The following LUZP2 variants were observed in gnomAD, a reference collection of about 807,000 sequenced individuals.
The protein encoded by LUZP2 is leucine zipper protein 2.
A neutral mutation model predicts 51.6 loss-of-function variants in LUZP2; 52 were observed. That is an observed-to-expected ratio of 1.01 (90% CI 0.81 to 1.27). The LOEUF (loss-of-function observed/expected upper bound fraction) is 1.27. LUZP2 is among the 50% of genes most tolerant of loss of function. LUZP2 has a pLI of 0.00. For synonymous variants in LUZP2, 154 were observed against 137.3 expected (o/e 1.12, Z -0.85); for missense variants, 436 against 395.4 (o/e 1.10, Z -0.87).
chr11:24,736,886 A>G (rs17235001), intron 3 of LUZP2, among the ~76,000 whole-genome samples: 16,016 of 152,082 alleles, frequency 0.11, 1,077 homozygotes, highest in Middle Eastern at 0.16. Context: ...TTAAAAACCA[A>G]AGTGACTGTA....
intron 5 of LUZP2, among the ~76,000 whole-genome samples, chr11:24,769,585 A>G (rs192652159): frequency 5.0e-4 from 76 of 152,292 alleles, no homozygotes; most frequent in African/African-American, 1.7e-3. Context: ...TAAAATAATG[A>G]AAAACACATT....
chr11:24,877,822 A>C (rs955138353), intron 5 of LUZP2, among the ~76,000 whole-genome samples: 16 of 152,078 alleles, frequency 1.1e-4, no homozygotes, highest in South Asian at 4.1e-4. Flanking sequence ...CAATTGTTTT[A>C]ATTTTTAGTC....
intron 1 of LUZP2, among the ~76,000 whole-genome samples, chr11:24,720,706 GT>G (rs1858233561): frequency 1.3e-5 from 2 of 151,960 alleles, no homozygotes; most frequent in Admixed American, 6.6e-5. Flanking sequence ...TGTTTGTTTT[GT>G]TTTGTTTTGT....
intron 5 of LUZP2, among the ~76,000 whole-genome samples, chr11:24,774,358 C>CTATA (rs1431208612): frequency 1.9e-4 from 15 of 80,588 alleles, no homozygotes; most frequent in African/African-American, 7.9e-4. Context: ...CTCTCTCTCT[C>CTATA]TCTCTATATA....
intron 5 of LUZP2, among the ~76,000 whole-genome samples, chr11:24,905,016 CAAAT>C (rs987473848): frequency 9.9e-5 from 15 of 151,888 alleles, no homozygotes; most frequent in African/African-American, 2.7e-4. Context: ...TAAAAAATGA[CAAAT>C]AAGTCCATTA....
chr11:24,901,045 T>C (rs1853264502), intron 5 of LUZP2, among the ~76,000 whole-genome samples: 1 of 152,118 alleles, frequency 6.6e-6, no homozygotes, highest in Non-Finnish European at 1.5e-5. Context: ...TGGTACTTCA[T>C]AAATTGTCTC....
intron 7 of LUZP2, among the ~76,000 whole-genome samples, chr11:24,931,781 G>C (rs1159353082): frequency 6.6e-6 from 1 of 152,208 alleles, no homozygotes; most frequent in Middle Eastern, 3.2e-3. Flanking sequence ...TGCTGAACTA[G>C]TGTGGTCTTT....
At chr11:25,077,649 A>G (rs2134064018) in intron 11 of LUZP2, among the ~76,000 whole-genome samples, 1 of 151,292 alleles carries the variant, frequency 6.6e-6, no homozygotes, top group South Asian at 2.1e-4. Context: ...ACAGGCGCCC[A>G]CCACCACGCC....
At chr11:24,718,312 C>T (rs1179743795) in intron 1 of LUZP2, among the ~76,000 whole-genome samples, 10 of 152,114 alleles carry the variant, frequency 6.6e-5, no homozygotes, top group African/African-American at 2.2e-4. Context: ...GTTCACAGGC[C>T]TGAGAGAAGG....
chr11:25,045,911 A>C (rs543724266), intron 9 of LUZP2, among the ~76,000 whole-genome samples: 12 of 152,310 alleles, frequency 7.9e-5, no homozygotes, highest in African/African-American at 2.9e-4. Context: ...TTGGTTGACC[A>C]TTATAACTCA....
intron 1 of LUZP2, among the ~76,000 whole-genome samples, chr11:24,696,597 A>T (rs1015922626): frequency 2.6e-5 from 4 of 152,054 alleles, no homozygotes; most frequent in Non-Finnish European, 4.4e-5. Flanking sequence ...ATTACTGTGC[A>T]TCTGCTATGA....
intron 4 of LUZP2, among the ~76,000 whole-genome samples, chr11:24,758,230 A>G (rs551947694): frequency 6.6e-6 from 1 of 152,198 alleles, no homozygotes; most frequent in South Asian, 2.1e-4. Context: ...CTTCAGGAAA[A>G]TGTGTTCTAT....
At chr11:24,652,350 C>T (rs1424912770) in intron 1 of LUZP2, among the ~76,000 whole-genome samples, 1 of 151,974 alleles carries the variant, frequency 6.6e-6, no homozygotes, top group East Asian at 1.9e-4. Flanking sequence ...AAATACTTAT[C>T]AATTTTAACA....
chr11:24,829,275 G>A (rs1444556264), intron 5 of LUZP2, among the ~76,000 whole-genome samples: 1 of 152,096 alleles, frequency 6.6e-6, no homozygotes, highest in Non-Finnish European at 1.5e-5. Context: ...AGAGTTCTGG[G>A]TGTGGGCAGG....
chr11:24,622,290 C>G (rs1294022338), intron 1 of LUZP2, among the ~76,000 whole-genome samples: 1 of 150,458 alleles, frequency 6.6e-6, no homozygotes, highest in Non-Finnish European at 1.5e-5. Flanking sequence ...CCCCCCTCCC[C>G]ACAACAGGCC....
At chr11:24,705,664 T>C (rs754930639) in intron 1 of LUZP2, among the ~76,000 whole-genome samples, 6 of 152,180 alleles carry the variant, frequency 3.9e-5, no homozygotes, top group East Asian at 1.9e-4. Flanking sequence ...AATTACCATA[T>C]TGCAAATGAC....
intron 1 of LUZP2, among the ~76,000 whole-genome samples, chr11:24,527,502 A>C (rs1322848415): frequency 6.6e-6 from 1 of 151,050 alleles, no homozygotes; most frequent in Non-Finnish European, 1.5e-5. Flanking sequence ...ATAGTACATT[A>C]ATGCTAACAA....
In LUZP2 at chr11:24,917,988, G is replaced by C. The variant is rs1853854453; in HGVS notation, c.522+3450G>C. Reference sequence around the variant, plus strand: ...ATGAGCATGGAATGTTCTTCCATTTGTTTGTGTCCTCTTTTATTTCGTTGA... The same window carrying C: ...ATGAGCATGGAATGTTCTTCCATTTCTTTGTGTCCTCTTTTATTTCGTTGA... On this transcript the variant is annotated intron_variant, in intron 7 of 11. Coordinates refer to ENST00000336930, the MANE Select transcript of LUZP2 (RefSeq NM_001009909.4). Among the ~76,000 whole-genome samples, 3 of 152,070 alleles carry C rather than the reference G, an allele frequency of 2.0e-5. No homozygotes were observed. The South Asian group carries it at 6.3e-4, about 32-fold the overall frequency.
intron 5 of LUZP2, among the ~76,000 whole-genome samples, chr11:24,821,292 C>A (rs1202103092): frequency 6.6e-6 from 1 of 151,990 alleles, no homozygotes; most frequent in Non-Finnish European, 1.5e-5. Context: ...TAAAGTAGTG[C>A]CTAGAACACA....
Sources: allele counts gnomAD v4.1 joint callset (sites outside exome capture counted in the v4.1 genomes callset), GRCh38; gene constraint gnomAD v4.1.1; transcripts MANE v1.5; gene names NCBI Gene and HGNC (gene_info 2026-07-23, HGNC 2026-07-21).